ZNF516: variants seen among roughly 807,000 people sequenced by gnomAD.
ZNF516 encodes zinc finger protein 516.
Under a neutral mutation model 79.7 loss-of-function variants are expected in ZNF516, and 19 were observed. The ratio of observed to expected loss-of-function variants is 0.24; its 90% confidence interval spans 0.17 to 0.35. ZNF516 has a LOEUF of 0.35. ZNF516 is among the 10% of genes least tolerant of loss of function. ZNF516 has a pLI of 1.00. For synonymous variants in ZNF516, 877 were observed against 739.5 expected, an observed-to-expected ratio of 1.19 and a Z score of -3.02; for missense variants, 1,678 against 1,679.5, an observed-to-expected ratio of 1.00 and a Z score of 0.02.
At chr18:76,365,607 G>A (rs1054926201) in intron 6 of ZNF516, among the ~76,000 whole-genome samples, 2 of 152,080 alleles carry the variant, frequency 1.3e-5, no homozygotes, top group Non-Finnish European at 2.9e-5. Context: ...TCTTTTAAAC[G>A]ACAACATGCA....
Position 76,396,533 on chromosome 18 carries a change from A to G in ZNF516, c.1811-16230T>C, listed in dbSNP as rs993093538. Among the ~76,000 whole-genome samples the G allele has an allele frequency of 2.4e-4, 37 of 152,220 alleles. 1 individual carries two copies. The highest frequency in any genetic ancestry group is 1.3e-4 in the Admixed American group (2 of 15,286). ...AAAAACTGGATTTGACAGCAAGAAC[A>G]TCACAGTCATCAACAGTGTTGCTCA... is the stretch of plus-strand genomic sequence containing the variant. On this transcript the variant is annotated intron_variant, in intron 3 of 6. Transcript: ENST00000443185.
At chr18:76,488,413 A>C (rs552469369) in intron 1 of ZNF516, among the ~76,000 whole-genome samples, 1 of 152,154 alleles carries the variant, frequency 6.6e-6, no homozygotes, top group Admixed American at 6.5e-5. Flanking sequence ...AAAGGAAGTC[A>C]GAGCGGCACA....
intron 4 of ZNF516, among the ~76,000 whole-genome samples, chr18:76,373,685 T>C (rs905417194): frequency 4.6e-5 from 7 of 152,388 alleles, no homozygotes; most frequent in Admixed American, 6.5e-5. Flanking sequence ...TCCGTGCTTA[T>C]TTCCTTGAAG....
At chr18:76,472,380 A>G (rs1186246112) in intron 1 of ZNF516, among the ~76,000 whole-genome samples, 1 of 152,026 alleles carries the variant, frequency 6.6e-6, no homozygotes, top group Non-Finnish European at 1.5e-5. Context: ...GTGCATTTGC[A>G]TAGGCTCACT....
chr18:76,468,417 C>CTTTT (rs58648821), intron 1 of ZNF516, among the ~76,000 whole-genome samples: 4 of 127,422 alleles, frequency 3.1e-5, no homozygotes, highest in African/African-American at 6.0e-5. Flanking sequence ...TCATTAGTGT[C>CTTTT]TTTTTTTTTT....
rs1013737140 is a variant in ZNF516 at position 76,450,145 on chromosome 18, A to G, written c.-157-6934T>C. On this transcript the variant is annotated intron_variant, in intron 2 of 6. Transcript: ENST00000443185. ...AAAGAGAAAGAGAGAGACGGAGAGAAGGCAAATGTACCAGAATGTTAACAA... is the reference window on the plus strand; with the variant it reads ...AAAGAGAAAGAGAGAGACGGAGAGAGGGCAAATGTACCAGAATGTTAACAA... 6.6e-4 allele frequency among the ~76,000 whole-genome samples: 86 copies of G among 130,598 alleles called. 2 individuals are homozygous for G. Among genetic ancestry groups the G allele is most frequent in the Non-Finnish European group, 6.0e-4 (38 of 63,580 alleles). 85.7% of individuals were successfully genotyped at this position (130,598 alleles called of 152,430 possible).
In ZNF516 at chr18:76,443,216, AAC is replaced by A; in HGVS notation, c.-157-7_-157-6del. ...GCAGCAGCTGGCAGCCAGCACCTGA[AAC>A]AGAGATGGAACATCATCAGCAAAGC... On this transcript the variant is annotated splice_polypyrimidine_tract_variant and splice_region_variant and intron_variant, in intron 2 of 6. Transcript: ENST00000443185. 9.3e-7 allele frequency: 1 copy of A among 1,073,374 alleles called. No homozygotes were observed. Among genetic ancestry groups the A allele is most frequent in the Non-Finnish European group, 1.3e-6 (1 of 778,124 alleles). 66.5% of individuals were successfully genotyped at this position (1,073,374 alleles called of 1,614,324 possible).
chr18:76,367,624 C>T (rs1041304090), intron 6 of ZNF516, among the ~76,000 whole-genome samples: 2 of 152,162 alleles, frequency 1.3e-5, no homozygotes, highest in African/African-American at 4.8e-5. Flanking sequence ...ATCCCTCCGC[C>T]CCTCCATAGT....
intron 1 of ZNF516, chr18:76,487,879 C>A: frequency 2.1e-6 from 2 of 960,102 alleles, no homozygotes; most frequent in Non-Finnish European, 2.5e-6. Flanking sequence ...ACTACACTTT[C>A]GGCCAGTCAG....
Position 76,378,847 on chromosome 18 carries a change from C to T in ZNF516, c.3259+8G>A. On this transcript the variant is annotated splice_region_variant and intron_variant, in intron 4 of 6. Transcript: ENST00000443185. ...TGGCCTGGGGAAGAGAGGGCCCGCA[C>T]ATCTTACCTCTGTGCTCCAACCCAG... is the stretch of plus-strand genomic sequence containing the variant. 2 of 1,609,796 alleles carry T rather than the reference C, an allele frequency of 1.2e-6. No homozygotes were observed. The highest frequency in any genetic ancestry group is 8.5e-7 in the Non-Finnish European group (1 of 1,177,446).
At chr18:76,378,439 T>C (rs1362785872) in intron 4 of ZNF516, among the ~76,000 whole-genome samples, 1 of 152,260 alleles carries the variant, frequency 6.6e-6, no homozygotes, top group Non-Finnish European at 1.5e-5. Context: ...TGAATATTCT[T>C]GTCTTTTGAG....
At chr18:76,470,842 G>A (rs1045559454) in intron 1 of ZNF516, among the ~76,000 whole-genome samples, 9 of 152,180 alleles carry the variant, frequency 5.9e-5, no homozygotes, top group Admixed American at 1.3e-4. Flanking sequence ...GGGAAACCCC[G>A]TCTCTACTAA....
rs1054605522 is a variant in ZNF516, at chr18:76,360,936, T to C, written c.*1562A>G. 3 of 151,780 alleles carry C rather than the reference T, an allele frequency of 2.0e-5. No individual in the cohort carries two copies. The highest frequency in any genetic ancestry group is 4.4e-5 in the Non-Finnish European group (3 of 67,978). 9.4% of individuals were successfully genotyped at this position (151,780 alleles called of 1,614,324 possible). ...AAGACTTTGTATCAGAAGCCCACTG[T>C]CTACAAAAACTGCACTAGTCCATTA... is the stretch of plus-strand genomic sequence containing the variant. On this transcript the variant is annotated 3_prime_UTR_variant, in exon 7 of 7. Transcript: ENST00000443185.
intron 6 of ZNF516, among the ~76,000 whole-genome samples, chr18:76,367,397 ACT>A: frequency 6.6e-6 from 1 of 152,112 alleles, no homozygotes; most frequent in East Asian, 1.9e-4. Context: ...TCAAGCTACA[ACT>A]CTGACGGTGT....
intron 3 of ZNF516, 80 bp from the exon 4 acceptor site, chr18:76,380,383 G>A (rs2074872062): frequency 3.3e-6 from 5 of 1,525,730 alleles, no homozygotes; most frequent in East Asian, 4.6e-5. Context: ...TACAGCTACA[G>A]CATGTTCCAA....
At chr18:76,430,489 G>A (rs1297114343) in intron 3 of ZNF516, among the ~76,000 whole-genome samples, 1 of 152,118 alleles carries the variant, frequency 6.6e-6, no homozygotes, top group Non-Finnish European at 1.5e-5. Context: ...TCCCAATAAT[G>A]TCTATATTGG....
chr18:76,384,802 C>A (rs768156794), intron 3 of ZNF516, among the ~76,000 whole-genome samples: 1 of 152,156 alleles, frequency 6.6e-6, no homozygotes, highest in African/African-American at 2.4e-5. Context: ...GCTCCTCAGT[C>A]CCCACCAATC....
chr18:76,452,720 G>A (rs372663724), intron 2 of ZNF516, among the ~76,000 whole-genome samples: 8 of 152,140 alleles, frequency 5.3e-5, no homozygotes, highest in African/African-American at 1.9e-4. Flanking sequence ...ATATATTCTC[G>A]AAGTCCCTTG....
intron 2 of ZNF516, among the ~76,000 whole-genome samples, chr18:76,458,720 T>C (rs546473284): frequency 3.0e-3 from 423 of 140,776 alleles, no homozygotes; most frequent in Non-Finnish European, 4.7e-3. Context: ...CCGTCGTGCG[T>C]GTGCATGCCT....
Sources: gnomAD v4.1 joint callset for allele counts (sites outside exome capture counted in the v4.1 genomes callset) on GRCh38, gnomAD v4.1.1 for gene constraint, MANE v1.5 for transcripts, NCBI Gene and HGNC (gene_info 2026-07-23, HGNC 2026-07-21) for gene names.